SMIM31: variants seen among roughly 807,000 people sequenced by gnomAD.
SMIM31 encodes the protein small integral membrane protein 31, also known as human epithelial cell program regulator.
Position 164,771,067 on chromosome 4 carries a change from A to G in SMIM31, c.112+512A>G, listed in dbSNP as rs183266096. ...TATGTATATTCATAGAAAATAAGAT[A>G]AAATCATAAAAAGCAAATTGCATTT... On this transcript the variant is annotated intron_variant, in intron 2 of 2. Transcript: ENST00000507311. 5.3e-5 allele frequency among the ~76,000 whole-genome samples: 8 copies of G among 152,360 alleles called. No individual in the cohort carries two copies. The East Asian group carries it at 1.5e-3, about 29-fold the overall frequency.
intron 1 of SMIM31, among the ~76,000 whole-genome samples, chr4:164,767,193 C>G (rs1285631678): frequency 6.6e-6 from 1 of 152,022 alleles, no homozygotes; most frequent in Admixed American, 6.6e-5. Context: ...TCATTCCCTT[C>G]GTGATGCTAA....
intron 1 of SMIM31, among the ~76,000 whole-genome samples, chr4:164,767,009 C>T (rs900912066): frequency 1.3e-5 from 2 of 152,082 alleles, no homozygotes; most frequent in African/African-American, 4.8e-5. Context: ...GCAAGGAACA[C>T]AAGCAAGGTC....
At chr4:164,786,736 T>C (rs920987506) in intron 2 of SMIM31, among the ~76,000 whole-genome samples, 3 of 152,210 alleles carry the variant, frequency 2.0e-5, no homozygotes, top group Non-Finnish European at 2.9e-5. Flanking sequence ...GGATTAAATT[T>C]TCCCTTATCC....
intron 1 of SMIM31, among the ~76,000 whole-genome samples, chr4:164,764,412 C>T (rs761123737): frequency 6.6e-6 from 1 of 151,916 alleles, no homozygotes; most frequent in Non-Finnish European, 1.5e-5. Flanking sequence ...ACTAAAAATA[C>T]AAAAATTAGC....
At chr4:164,791,033 T>C (rs927459774) in intron 2 of SMIM31, among the ~76,000 whole-genome samples, 3 of 152,206 alleles carry the variant, frequency 2.0e-5, no homozygotes, top group African/African-American at 7.2e-5. Context: ...ATTAAATTAT[T>C]CTTTAATCCT....
intron 1 of SMIM31, among the ~76,000 whole-genome samples, chr4:164,758,111 ATT>A (rs987272437): frequency 3.3e-5 from 5 of 152,006 alleles, no homozygotes; most frequent in African/African-American, 1.2e-4. Flanking sequence ...TATCTTCTCT[ATT>A]TTTGTTAATT....
At chr4:164,788,612 C>G (rs917167284) in intron 2 of SMIM31, among the ~76,000 whole-genome samples, 1 of 149,652 alleles carries the variant, frequency 6.7e-6, no homozygotes, top group African/African-American at 2.5e-5. Context: ...ACCTCAGCCT[C>G]TCGAGTAGCT....
chr4:164,776,826 C>T (rs1732884985), intron 2 of SMIM31, among the ~76,000 whole-genome samples: 1 of 152,154 alleles, frequency 6.6e-6, no homozygotes, highest in African/African-American at 2.4e-5. Flanking sequence ...CATTATACAT[C>T]ATCTTACTCA....
At chr4:164,768,485 A>G in intron 1 of SMIM31, among the ~76,000 whole-genome samples, 1 of 151,388 alleles carries the variant, frequency 6.6e-6, no homozygotes, top group East Asian at 2.0e-4. Flanking sequence ...GAAGGGAAGG[A>G]GGCAGGAACT....
At chr4:164,771,459 A>G (rs1022638719) in intron 2 of SMIM31, among the ~76,000 whole-genome samples, 6 of 152,168 alleles carry the variant, frequency 3.9e-5, no homozygotes, top group African/African-American at 1.4e-4. Flanking sequence ...AAAATCTTGG[A>G]ACCCAGGTTA....
rs1199013447 is a variant in SMIM31, at chr4:164,802,233, A to C, written c.*1039A>C. The C allele has an allele frequency of 6.6e-6, 1 of 152,358 alleles. No homozygotes were observed. Among genetic ancestry groups the C allele is most frequent in the Non-Finnish European group, 1.5e-5 (1 of 68,276 alleles). The allele number at this position is 152,358 out of a possible 1,614,324, so 9.4% of individuals were successfully genotyped here. On this transcript the variant is annotated 3_prime_UTR_variant, in exon 3 of 3. Transcript: ENST00000507311. ...GGGCGACAGAGCAAGACTCTGTCTCAAAAGAAAAAAAACAAAGAGAGAGAG... is the reference window on the plus strand; with the variant it reads ...GGGCGACAGAGCAAGACTCTGTCTCCAAAGAAAAAAAACAAAGAGAGAGAG...
intron 2 of SMIM31, among the ~76,000 whole-genome samples, chr4:164,788,399 TACTGATGGAAAAATATTTCAAATAA>T (rs1733053705): frequency 6.7e-6 from 1 of 149,918 alleles, no homozygotes; most frequent in African/African-American, 2.5e-5. Flanking sequence ...CCTGGGGTAG[TACTGATGGAAAAATATTTCAAATAA>T]ACTAACTACT....
At chr4:164,772,867 C>G (rs1322422386) in intron 2 of SMIM31, among the ~76,000 whole-genome samples, 3 of 151,606 alleles carry the variant, frequency 2.0e-5, no homozygotes, top group Non-Finnish European at 4.4e-5. Flanking sequence ...CGTGAGCCAC[C>G]GCGCCCGGCC....
chr4:164,777,039 T>C (rs76731762), intron 2 of SMIM31, among the ~76,000 whole-genome samples: 5,374 of 152,260 alleles, frequency 0.035, 317 homozygotes, highest in African/African-American at 0.12. Context: ...AAAAAGATGA[T>C]ATATGGGCTA....
intron 1 of SMIM31, among the ~76,000 whole-genome samples, chr4:164,761,590 C>T (rs1250371769): frequency 6.6e-6 from 1 of 152,062 alleles, no homozygotes; most frequent in Non-Finnish European, 1.5e-5. Context: ...TGGATTGCAA[C>T]AGGTAATCTC....
intron 2 of SMIM31, among the ~76,000 whole-genome samples, chr4:164,798,265 G>C (rs887121077): frequency 6.7e-6 from 1 of 148,866 alleles, no homozygotes; most frequent in Non-Finnish European, 1.5e-5. Flanking sequence ...ACGGAGTCTC[G>C]CTCTGTCGCC....
chr4:164,778,585 C>T (rs918847779), intron 2 of SMIM31, among the ~76,000 whole-genome samples: 5 of 152,180 alleles, frequency 3.3e-5, no homozygotes, highest in Non-Finnish European at 5.9e-5. Context: ...CTGCCAAGCA[C>T]TTAACATATT....
intron 2 of SMIM31, among the ~76,000 whole-genome samples, chr4:164,795,789 T>G (rs1032907782): frequency 6.6e-5 from 10 of 152,168 alleles, no homozygotes; most frequent in African/African-American, 2.4e-4. Flanking sequence ...AATAATGCAT[T>G]TAATAACTGT....
chr4:164,759,341 C>T (rs1233484018), intron 1 of SMIM31, among the ~76,000 whole-genome samples: 1 of 152,036 alleles, frequency 6.6e-6, no homozygotes, highest in Admixed American at 6.5e-5. Context: ...CACAATCTTT[C>T]CATGGAAAAG....
Sources: allele counts gnomAD v4.1 joint callset (sites outside exome capture counted in the v4.1 genomes callset), GRCh38; gene constraint gnomAD v4.1.1; transcripts MANE v1.5; gene names NCBI Gene and HGNC (gene_info 2026-07-23, HGNC 2026-07-21).